The following CERS3 variants were observed in gnomAD, a reference collection of about 807,000 sequenced individuals.
The protein encoded by CERS3 is ceramide synthase 3.
A neutral mutation model predicts 50.3 loss-of-function variants in CERS3; 33 were observed. The ratio of observed to expected loss-of-function variants is 0.66; its 90% CI spans 0.50 to 0.88. CERS3 has a LOEUF of 0.88. Among genes scored for constraint, CERS3 ranks in the 40% least tolerant of loss-of-function variants. The probability of loss-of-function intolerance (pLI) is 0.00; values close to 1 mark genes in which losing one functional copy is unlikely to be tolerated. For missense variants in CERS3, 470 were observed against 460.3 expected (o/e 1.02, Z -0.19); for synonymous variants, 176 against 155.2 (o/e 1.13, Z -0.99).
chr15:100,510,239 CA>C (rs1201484421), intron 2 of CERS3, among the ~76,000 whole-genome samples: 1 of 151,394 alleles, frequency 6.6e-6, no homozygotes, highest in Non-Finnish European at 1.5e-5. Flanking sequence ...AGTGCATTAA[CA>C]AAACTATGAA....
chr15:100,405,259 C>T (rs369242604), intron 11 of CERS3, among the ~76,000 whole-genome samples: 1 of 134,104 alleles, frequency 7.5e-6, no homozygotes. Flanking sequence ...CAAAAAAAAA[C>T]CCCTAATTTA....
At chr15:100,422,857 T>G (rs2032542521) in intron 11 of CERS3, among the ~76,000 whole-genome samples, 1 of 140,552 alleles carries the variant, frequency 7.1e-6, no homozygotes, top group African/African-American at 2.6e-5. Flanking sequence ...ACACCGCATA[T>G]TCTCACTCAC....
At chr15:100,521,074 T>G (rs1002949298) in intron 2 of CERS3, among the ~76,000 whole-genome samples, 2 of 152,162 alleles carry the variant, frequency 1.3e-5, no homozygotes, top group Non-Finnish European at 2.9e-5. Context: ...TTTAGAGAGA[T>G]AAAGTGACTG....
chr15:100,501,973 G>A lies in CERS3; in HGVS notation c.-1-123C>T, dbSNP rs1046096685. 2.3e-5 allele frequency: 22 copies of A among 972,662 alleles called. No homozygotes were observed. The African/African-American group carries it at 3.1e-4, about 14-fold the overall frequency. The allele number at this position is 972,662 out of a possible 1,614,324, so 60.3% of individuals were successfully genotyped here. On this transcript the variant is annotated intron_variant, in intron 2 of 11. Coordinates refer to ENST00000679737, the MANE Select transcript of CERS3 (RefSeq NM_001378789.1). ...TAGAAAATAAGGCAAGAGGCCTAGC[G>A]CAGTGGCTCACACCTGCAATATCAG...
chr15:100,475,198 G>A (rs568651937), intron 8 of CERS3, among the ~76,000 whole-genome samples: 383 of 152,272 alleles, frequency 2.5e-3, no homozygotes, highest in African/African-American at 8.8e-3. Flanking sequence ...ACATGGAAAT[G>A]GAGATTATTT....
chr15:100,412,218 G>C (rs1405023655), intron 11 of CERS3, among the ~76,000 whole-genome samples: 1 of 151,950 alleles, frequency 6.6e-6, no homozygotes, highest in Admixed American at 6.6e-5. Flanking sequence ...TTAGGTCTTT[G>C]CTTGAATTCA....
In CERS3 at chr15:100,469,126, CAG is replaced by C. The variant is rs1468153240; in HGVS notation, c.845+250_845+251del. 1.3e-4 allele frequency among the ~76,000 whole-genome samples: 20 copies of C among 152,326 alleles called. No individual in the cohort carries two copies. The East Asian group carries it at 3.9e-3, about 29-fold the overall frequency. On this transcript the variant is annotated intron_variant, in intron 10 of 11. Coordinates refer to ENST00000679737, the MANE Select transcript of CERS3 (RefSeq NM_001378789.1). ...AAAGGTCTACATCCATGAAACAAGA[CAG>C]AGTAAGAGCTGCTGCTTGCCCGTCA...
chr15:100,402,866 C>G lies in CERS3; in HGVS notation c.1000-1G>C. On this transcript the variant is annotated splice_acceptor_variant, in intron 11 of 11. Transcript: ENST00000679737. LOFTEE classifies it high-confidence loss of function. The stretch of plus-strand genomic sequence containing the variant: ...CATCACTCCTCACATCCTGGATGCT[C>G]TAGACAAAGGAAAGAATTGGCTGTG... The G allele has an allele frequency of 3.2e-6, 5 of 1,586,620 alleles. No individual in the cohort carries two copies. Among genetic ancestry groups the G allele is most frequent in the Non-Finnish European group, 3.4e-6 (4 of 1,164,682 alleles).
Position 100,522,650 on chromosome 15 carries a change from C to T in CERS3, c.-91-894G>A, listed in dbSNP as rs73475759. 8.5e-3 allele frequency among the ~76,000 whole-genome samples: 1,301 copies of T among 152,240 alleles called. 23 individuals carry two copies. Among genetic ancestry groups the T allele is most frequent in the African/African-American group, 0.029 (1,222 of 41,526 alleles). On this transcript the variant is annotated intron_variant, in intron 1 of 11. Transcript: ENST00000679737. ...CATGTAACAGTAGCAAACTCATTTT[C>T]GTTGACTTTTAATATTCCATCCCAT...
chr15:100,482,960 A>G (rs1239636814), intron 5 of CERS3, among the ~76,000 whole-genome samples: 1 of 152,238 alleles, frequency 6.6e-6, no homozygotes, highest in African/African-American at 2.4e-5. Flanking sequence ...TTAACTTAGA[A>G]TAAACATGTG....
chr15:100,508,135 T>C (rs2036236435), intron 2 of CERS3, among the ~76,000 whole-genome samples: 1 of 150,868 alleles, frequency 6.6e-6, no homozygotes, highest in Non-Finnish European at 1.5e-5. Flanking sequence ...TTTTAGGATT[T>C]ATAACTGAGA....
rs944156073 is a variant in CERS3, at chr15:100,465,639, G to A, written c.845+3739C>T. ...TACAGAAATATTTTTACCAGGAAAA[G>A]TTTTTGCTGTTGTTTTGAACTTTTT... On this transcript the variant is annotated intron_variant, in intron 10 of 11. Transcript: ENST00000679737. Among the ~76,000 whole-genome samples the A allele has an allele frequency of 6.0e-5, 9 of 151,190 alleles. No homozygotes were observed. In the East Asian group the frequency reaches 1.6e-3, roughly 26 times the overall value.
intron 11 of CERS3, among the ~76,000 whole-genome samples, chr15:100,451,798 A>G (rs751169542): frequency 2.3e-4 from 35 of 152,156 alleles, no homozygotes; most frequent in Admixed American, 1.1e-3. Context: ...AATCCTGCAA[A>G]TGGAAACCAA....
rs1460605054 is a variant in CERS3 at position 100,484,611 on chromosome 15, A to G, written c.346T>C (p.Trp116Arg). Residue 116 changes from tryptophan (W) to arginine (R), a missense_variant, in exon 5 of 12, where the codon TGG (tryptophan) becomes CGG (arginine). Trp to Arg is a moderately radical substitution (Grantham distance 101, BLOSUM62 -3). Coordinates refer to ENST00000679737, the MANE Select transcript of CERS3 (RefSeq NM_001378789.1). ...TCTTGATTCCGCCGACTCCTAAACC[A>G]TCTTTCCACCTGGCGCTCCGTCAAG... ...CNLTERQVERWFRSRRNQERP... is the reference protein window; with the variant it reads ...CNLTERQVERRFRSRRNQERP... The G allele has an allele frequency of 6.2e-7, 1 of 1,614,148 alleles. No homozygotes were observed. The highest frequency in any genetic ancestry group is 1.7e-5 in the Admixed American group (1 of 60,018).
chr15:100,426,650 C>T (rs934145537), intron 11 of CERS3, among the ~76,000 whole-genome samples: 2 of 152,210 alleles, frequency 1.3e-5, no homozygotes, highest in African/African-American at 2.4e-5. Context: ...AATCTAATAC[C>T]ATAGCATTAA....
intron 11 of CERS3, among the ~76,000 whole-genome samples, chr15:100,455,291 C>T (rs770370635): frequency 1.3e-5 from 2 of 151,208 alleles, no homozygotes; most frequent in Non-Finnish European, 2.9e-5. Flanking sequence ...GAATGATAGA[C>T]ACCAGATTGG....
In CERS3 at chr15:100,501,793, T is replaced by C. The variant is rs547120962; in HGVS notation, c.57A>G (p.Thr19=). The change falls in exon 3 of 12, where the codon ACA becomes ACG. Residue 19 remains threonine, a synonymous_variant. Transcript: ENST00000679737. ...FWLERFWLPP[T]IKWSDLEDHD... ...GATCCTCAAGATCTGACCACTTTATTGTTGGAGGAAGCCAGAATCTTTCCA... is the reference window on the plus strand; with the variant it reads ...GATCCTCAAGATCTGACCACTTTATCGTTGGAGGAAGCCAGAATCTTTCCA... 6.2e-7 allele frequency: 1 copy of C among 1,614,168 alleles called. No homozygotes were observed. Among genetic ancestry groups the C allele is most frequent in the East Asian group, 2.2e-5 (1 of 44,892 alleles).
intron 10 of CERS3, among the ~76,000 whole-genome samples, chr15:100,468,576 C>G (rs2034860859): frequency 6.6e-6 from 1 of 152,168 alleles, no homozygotes; most frequent in Admixed American, 6.5e-5. Context: ...CATCTAGGCT[C>G]TTCAACAGCA....
At chr15:100,478,008 G>A (rs1382146232) in intron 7 of CERS3, among the ~76,000 whole-genome samples, 1 of 152,088 alleles carries the variant, frequency 6.6e-6, no homozygotes, top group South Asian at 2.1e-4. Context: ...ATACTTTTTT[G>A]TATACAGTGT....
Sources: allele counts gnomAD v4.1 joint callset (sites outside exome capture counted in the v4.1 genomes callset), GRCh38; gene constraint gnomAD v4.1.1; transcripts MANE v1.5; gene names NCBI Gene and HGNC (gene_info 2026-07-23, HGNC 2026-07-21).